Variants in PDE10A observed in about 807,000 individuals in gnomAD.
The protein encoded by PDE10A is cAMP and cAMP-inhibited cGMP 3',5'-cyclic phosphodiesterase 10A.
Under a neutral mutation model 97.7 loss-of-function variants are expected in PDE10A, and 39 were observed. That is an observed-to-expected ratio of 0.40 (90% confidence interval 0.31 to 0.52). The LOEUF (loss-of-function observed/expected upper bound fraction) is 0.52, where lower values mean the gene tolerates loss of function less well. Ranked by LOEUF, PDE10A falls within the 20% of genes least tolerant of loss-of-function variation. The probability of loss-of-function intolerance (pLI) is 0.56; values close to 1 mark genes in which losing one functional copy is unlikely to be tolerated. For synonymous variants in PDE10A, 371 were observed against 376.8 expected (o/e 0.98, Z 0.18); for missense variants, 731 against 1,047.8 (o/e 0.70, Z 4.17).
chr6:165,595,084 G>A (rs991691127), intron 1 of PDE10A, among the ~76,000 whole-genome samples: 6 of 152,176 alleles, frequency 3.9e-5, no homozygotes, highest in African/African-American at 7.2e-5. Context: ...TCTTTGGACT[G>A]CAGGAGCCTG....
chr6:165,665,076 G>C (rs1790464733), upstream of PDE10A, among the ~76,000 whole-genome samples: 3 of 152,160 alleles, frequency 2.0e-5, no homozygotes, highest in South Asian at 6.2e-4. Context: ...CCAAGTGCTT[G>C]CTGGAAGGGA....
intron 1 of PDE10A, among the ~76,000 whole-genome samples, chr6:165,676,939 G>A (rs563599293): frequency 5.3e-5 from 8 of 152,284 alleles, no homozygotes; most frequent in African/African-American, 1.7e-4. Context: ...CCAGCAGGAC[G>A]GGTCCTCACT....
At chr6:165,346,770 T>C (rs1386410294) in intron 18 of PDE10A, among the ~76,000 whole-genome samples, 1 of 152,292 alleles carries the variant, frequency 6.6e-6, no homozygotes, top group African/African-American at 2.4e-5. Flanking sequence ...ATATACTATT[T>C]TGTTGGAAAA....
At chr6:165,858,567 CG>C (rs998068671) in intron 1 of PDE10A, among the ~76,000 whole-genome samples, 1 of 152,198 alleles carries the variant, frequency 6.6e-6, no homozygotes, top group African/African-American at 2.4e-5. Context: ...GGATTGCCCC[CG>C]AGGTCCACAG....
At chr6:165,583,886 G>A (rs1239546615) in intron 1 of PDE10A, among the ~76,000 whole-genome samples, 1 of 152,146 alleles carries the variant, frequency 6.6e-6, no homozygotes, top group Admixed American at 6.5e-5. Context: ...TTCACTTCCT[G>A]TTCCCACAAC....
intron 2 of PDE10A, among the ~76,000 whole-genome samples, chr6:165,522,297 C>T (rs1782174209): frequency 6.6e-6 from 1 of 152,134 alleles, no homozygotes; most frequent in Non-Finnish European, 1.5e-5. Context: ...GTAACTCATT[C>T]TACAAAGACT....
chr6:165,396,589 C>A (rs188660247), intron 13 of PDE10A, 130 bp from the exon 14 acceptor site: 1 of 868,468 alleles, frequency 1.2e-6, no homozygotes, highest in East Asian at 2.6e-5. Flanking sequence ...TTATTATTAT[C>A]CGTATTTCCA....
At chr6:165,532,021 A>C (rs574237258) in intron 2 of PDE10A, among the ~76,000 whole-genome samples, 2 of 152,286 alleles carry the variant, frequency 1.3e-5, no homozygotes, top group Non-Finnish European at 2.9e-5. Flanking sequence ...AAAACCCAAA[A>C]ACTTTTTTAA....
intron 1 of PDE10A, among the ~76,000 whole-genome samples, chr6:165,760,979 T>C (rs1219881627): frequency 3.3e-5 from 5 of 152,180 alleles, no homozygotes; most frequent in Non-Finnish European, 7.4e-5. Context: ...TGAAGAGGCC[T>C]CTAGAACCTC....
In PDE10A at chr6:165,636,156, A is replaced by G. The variant is rs78606413; in HGVS notation, c.865+25791T>C. 3.3e-3 allele frequency among the ~76,000 whole-genome samples: 503 copies of G among 152,322 alleles called. 4 individuals carry two copies. The highest frequency in any genetic ancestry group is 0.011 in the African/African-American group (476 of 41,572). ...TGTTTGCCTAGGACATATGATGCAT[A>G]TTATCAAAGGAATCCCCTACTTCCT... On this transcript the variant is annotated intron_variant, in intron 1 of 21. Coordinates refer to ENST00000539869, the MANE Select transcript of PDE10A (RefSeq NM_001385079.1).
intron 1 of PDE10A, among the ~76,000 whole-genome samples, chr6:165,785,678 T>A (rs558490624): frequency 5.4e-4 from 82 of 152,336 alleles, no homozygotes; most frequent in African/African-American, 1.9e-3. Flanking sequence ...ATCAAAGTAA[T>A]TCAGATGTCT....
chr6:165,902,268 A>C (rs1339406894), intron 1 of PDE10A, among the ~76,000 whole-genome samples: 1 of 152,224 alleles, frequency 6.6e-6, no homozygotes, highest in Non-Finnish European at 1.5e-5. Flanking sequence ...AGAGATCTGC[A>C]AACAGATGCC....
At chr6:165,842,174 A>G (rs1042684425) in intron 1 of PDE10A, among the ~76,000 whole-genome samples, 3 of 152,232 alleles carry the variant, frequency 2.0e-5, no homozygotes, top group Admixed American at 2.0e-4. Flanking sequence ...TTGACATATT[A>G]AAAACTTGAA....
intron 1 of PDE10A, among the ~76,000 whole-genome samples, chr6:165,821,029 T>C (rs1383654369): frequency 6.6e-6 from 1 of 152,220 alleles, no homozygotes; most frequent in Non-Finnish European, 1.5e-5. Context: ...GAAACATACA[T>C]TGCACGTTGA....
At chr6:165,855,056 G>A (rs1305560747) in intron 1 of PDE10A, among the ~76,000 whole-genome samples, 1 of 151,900 alleles carries the variant, frequency 6.6e-6, no homozygotes, top group Non-Finnish European at 1.5e-5. Context: ...AAGAGGGAAG[G>A]AGGACGGGCC....
chr6:165,671,992 A>G lies in PDE10A; in HGVS notation c.-614-128424T>C, dbSNP rs1184720842. Reference sequence around the variant, plus strand: ...CAAACTATATTACTTCCGTAACCGTAAAATACTGGTGAAGTCTTATCTTAC... The same window carrying G: ...CAAACTATATTACTTCCGTAACCGTGAAATACTGGTGAAGTCTTATCTTAC... On this transcript the variant is annotated intron_variant, in intron 1 of 19. Coordinates refer to the PDE10A transcript ENST00000366882. The surrounding 1 kb of genome is among the most constrained non-coding windows in gnomAD (Gnocchi z 4.6). Among the ~76,000 whole-genome samples, 1 of 152,204 alleles carries G rather than the reference A, an allele frequency of 6.6e-6. No homozygotes were observed. Among genetic ancestry groups the G allele is most frequent in the East Asian group, 1.9e-4 (1 of 5,198 alleles).
intron 1 of PDE10A, among the ~76,000 whole-genome samples, chr6:165,927,333 C>A (rs1429276826): frequency 1.3e-5 from 2 of 151,928 alleles, no homozygotes; most frequent in Non-Finnish European, 2.9e-5. Context: ...TTAGAAACAG[C>A]CTAAAAGCCA....
intron 1 of PDE10A, among the ~76,000 whole-genome samples, chr6:165,652,634 C>T (rs1229829431): frequency 1.3e-5 from 2 of 152,206 alleles, no homozygotes; most frequent in Non-Finnish European, 2.9e-5. Context: ...CCAGCCTCCA[C>T]CCATCCCTGG....
chr6:165,403,187 T>C (rs1009542536), intron 13 of PDE10A, among the ~76,000 whole-genome samples: 1 of 152,200 alleles, frequency 6.6e-6, no homozygotes, highest in South Asian at 2.1e-4. Flanking sequence ...CTCAGCGCTA[T>C]CAGCAACCGT....
Sources: gnomAD v4.1 joint callset for allele counts (sites outside exome capture counted in the v4.1 genomes callset) on GRCh38, gnomAD v4.1.1 for gene constraint, Gnocchi (gnomAD v3.1) non-coding constraint, MANE v1.5 for transcripts, NCBI Gene and HGNC (gene_info 2026-07-23, HGNC 2026-07-21) for gene names.